SLC25A22: variants seen among roughly 807,000 people sequenced by gnomAD.
The protein encoded by SLC25A22 is mitochondrial glutamate carrier 1.
Under a neutral mutation model 33.7 loss-of-function variants are expected in SLC25A22, and 23 were observed. The ratio of observed to expected loss-of-function variants is 0.68; its 90% CI spans 0.49 to 0.97. SLC25A22 has a LOEUF of 0.97. SLC25A22 is among the 50% of genes least tolerant of loss of function. The pLI, the probability that SLC25A22 is intolerant of heterozygous loss-of-function variation, is 0.00. For synonymous variants in SLC25A22, 245 were observed against 203.8 expected (o/e 1.20, Z -1.72); for missense variants, 390 against 451.1 (o/e 0.86, Z 1.23).
rs1170277254 is a variant in SLC25A22 at position 791,996 on chromosome 11, G to C, written c.891C>G (p.Pro297=). 2 of 1,609,418 alleles carry C rather than the reference G, an allele frequency of 1.2e-6. No individual in the cohort carries two copies. The highest frequency in any genetic ancestry group is 4.5e-5 in the East Asian group (2 of 44,734). The part of the protein sequence containing the change: ...GAYCRALVIA[P]LFGIAQVVYF... The stretch of plus-strand genomic sequence containing the variant: ...AGACCACCTGTGCGATGCCGAAAAG[G>C]GGCGCGATGACCAGCGCGCGGCAGT... The change falls in exon 10 of 10, where the codon CCC becomes CCG. Residue 297 remains proline, a synonymous_variant. Coordinates refer to ENST00000628067, the MANE Select transcript of SLC25A22 (RefSeq NM_001191061.2).
chr11:795,163 T>G lies in SLC25A22; in HGVS notation c.-157A>C, dbSNP rs1016109705. ...ATTTCCAGGCGTCAGCAACCGCCAC[T>G]TCTGTCCTAGAAGGATGAGGGAATG... On this transcript the variant is annotated 5_prime_UTR_variant, in exon 2 of 10. Transcript: ENST00000628067. The G allele has an allele frequency of 2.3e-6, 2 of 877,550 alleles. No homozygotes were observed. The highest frequency in any genetic ancestry group is 3.3e-5 in the African/African-American group (2 of 60,600). 54.4% of individuals were successfully genotyped at this position (877,550 alleles called of 1,614,324 possible).
At chr11:797,772 G>A in intron 1 of SLC25A22, 1 of 398,692 alleles carries the variant, frequency 2.5e-6, no homozygotes, top group Non-Finnish European at 4.4e-6. Context: ...AGAGGACAAA[G>A]GAGAAGCGGG....
chr11:794,539 CAGGGCCAGCT>C, intron 3 of SLC25A22, 26 bp from the exon 4 acceptor site: 1 of 1,610,604 alleles, frequency 6.2e-7, no homozygotes, highest in Non-Finnish European at 8.5e-7. Context: ...CAGGGTGAGC[CAGGGCCAGCT>C]GGGGCCAGCC....
chr11:791,597 C>A lies in SLC25A22; in HGVS notation c.*318G>T, dbSNP rs780210144. ...TGGTCCAGCCTGCCCGGCCCAGGCC[C>A]GGGGGCCCCCAGCCCAGAGACCAGC... On this transcript the variant is annotated 3_prime_UTR_variant, in exon 10 of 10. Transcript: ENST00000628067. The A allele has an allele frequency of 2.3e-6, 1 of 438,724 alleles. No individual in the cohort carries two copies. Among genetic ancestry groups the A allele is most frequent in the Non-Finnish European group, 4.2e-6 (1 of 239,950 alleles). 27.2% of individuals were successfully genotyped at this position (438,724 alleles called of 1,614,324 possible).
intron 1 of SLC25A22, among the ~76,000 whole-genome samples, chr11:797,284 C>T (rs1375146047): frequency 1.3e-5 from 2 of 152,184 alleles, no homozygotes; most frequent in South Asian, 2.1e-4. Flanking sequence ...CAGTGAGGGG[C>T]TCTGCCTGGG....
Position 792,320 on chromosome 11 carries a change from G to C in SLC25A22, c.726C>G (p.Ala242=). The stretch of plus-strand genomic sequence containing the variant: ...TGCACTGACCATCACAGGGGTTGAC[G>C]GCCACAGCGGCGGCACTCCCAGCCA... ...GCVAGSAAAV[A]VNPCDVVKTR... is the part of the protein sequence containing the mutation. The change falls in exon 8 of 10, where the codon GCC becomes GCG. Residue 242 remains alanine, a synonymous_variant. Coordinates refer to ENST00000628067, the MANE Select transcript of SLC25A22 (RefSeq NM_001191061.2). 2.5e-6 allele frequency: 4 copies of C among 1,613,206 alleles called. No homozygotes were observed. The highest frequency in any genetic ancestry group is 3.4e-6 in the Non-Finnish European group (4 of 1,179,948).
intron 6 of SLC25A22, 55 bp from the exon 7 acceptor site, chr11:792,782 G>C: frequency 1.3e-6 from 2 of 1,548,668 alleles, no homozygotes; most frequent in Non-Finnish European, 1.7e-6. Flanking sequence ...CAGGGGACAC[G>C]CTCTGGCCCT....
intron 6 of SLC25A22, 32 bp downstream of exon 6, chr11:792,838 C>T (rs12806951): frequency 6.4e-7 from 1 of 1,571,814 alleles, no homozygotes; most frequent in Non-Finnish European, 8.7e-7. Context: ...TCCCGCACCT[C>T]TGCCCTCTCC....
Position 791,845 on chromosome 11 carries a change from T to G in SLC25A22, c.*70A>C. 6.6e-7 allele frequency: 1 copy of G among 1,517,734 alleles called. No individual in the cohort carries two copies. Among genetic ancestry groups the G allele is most frequent in the Non-Finnish European group, 8.8e-7 (1 of 1,137,078 alleles). 94.0% of individuals were successfully genotyped at this position (1,517,734 alleles called of 1,614,324 possible). A position where few individuals can be genotyped will look rare whatever the true frequency, so the allele number is the denominator to read the frequency against. ...GGAGGGGTCTTCCCTTGCTCCGTCC[T>G]GGGCTAGCTGCCTGGCTCCAGCCCC... On this transcript the variant is annotated 3_prime_UTR_variant, in exon 10 of 10. Coordinates refer to ENST00000628067, the MANE Select transcript of SLC25A22 (RefSeq NM_001191061.2).
At position 792,046 on chromosome 11, in the gene SLC25A22, G is replaced by A. The variant is rs754387526; in HGVS notation, c.841C>T (p.Pro281Ser). Residue 281 changes from proline to serine, a missense_variant, in exon 10 of 10, where the codon CCC (proline) becomes TCC (serine). Physicochemically the swap from Pro to Ser is moderately conservative, Grantham distance 74 (BLOSUM62 -1). Coordinates refer to ENST00000628067, the MANE Select transcript of SLC25A22 (RefSeq NM_001191061.2). ...CARKILRHEG[P>S]SAFLKGAYCR... is the part of the protein sequence containing the mutation. ...TAGGCGCCCTTCAGGAAGGCCGAGG[G>A]GCCCTCGTGCCGCAGGATCTTCCTG... 9 of 1,600,308 alleles carry A rather than the reference G, an allele frequency of 5.6e-6. No individual in the cohort carries two copies. Among genetic ancestry groups the A allele is most frequent in the African/African-American group, 2.7e-5 (2 of 74,560 alleles).
rs1229548313 is a variant in SLC25A22, at chr11:797,992, A to C, written c.-164+225T>G. On this transcript the variant is annotated intron_variant, in intron 1 of 9. Transcript: ENST00000628067. ...CGGACACCCACCCTCGGGGACACGT[A>C]TGTGCGGGGAGCGCGCCCGGAACCG... The C allele has an allele frequency of 1.0e-5, 4 of 398,274 alleles. No homozygotes were observed. The East Asian group carries it at 1.1e-4, about 11-fold the overall frequency. 24.7% of individuals were successfully genotyped at this position (398,274 alleles called of 1,614,324 possible).
intron 3 of SLC25A22, 45 bp from the exon 4 acceptor site, chr11:794,558 C>G (rs762676985): frequency 6.2e-7 from 1 of 1,603,298 alleles, no homozygotes; most frequent in Non-Finnish European, 8.5e-7. Flanking sequence ...CTGGGGCCAG[C>G]CGGAGGCCAG....
rs544386351 is a variant in SLC25A22, at chr11:792,725, C to T, written c.415G>A (p.Ala139Thr). Reference protein sequence around the residue: ...IQLQDAGRIAAQRKILAAQGQ... With the variant: ...IQLQDAGRIATQRKILAAQGQ... Reference sequence around the variant, plus strand: ...TGGGCAGCCAGGATCTTCCTCTGGGCGGCTGGGGACAAAGAGGCTGCTGTC... The same window carrying T: ...TGGGCAGCCAGGATCTTCCTCTGGGTGGCTGGGGACAAAGAGGCTGCTGTC... Residue 139 changes from alanine to threonine, a missense_variant and splice_region_variant, in exon 7 of 10, where the codon GCC (alanine) becomes ACC (threonine). By Grantham distance (58) the Ala-to-Thr change is moderately conservative. Transcript: ENST00000628067. 9.7e-6 allele frequency: 15 copies of T among 1,546,072 alleles called. No homozygotes were observed. The East Asian group carries it at 2.2e-4, about 22-fold the overall frequency.
In SLC25A22 at chr11:794,797, C is replaced by T. The variant is rs1409404770; in HGVS notation, c.125G>A (p.Gly42Asp). The T allele has an allele frequency of 6.3e-7, 1 of 1,597,988 alleles. No homozygotes were observed. The highest frequency in any genetic ancestry group is 1.1e-5 in the South Asian group (1 of 88,336). ...AKTRLQNQQN[G>D]QRVYTSMSDC... Reference sequence around the variant, plus strand: ...TCACATGCTCGTGTACACGCGCTGGCCGTTCTGCTGGTTCTGCAGCCTGGT... The same window carrying T: ...TCACATGCTCGTGTACACGCGCTGGTCGTTCTGCTGGTTCTGCAGCCTGGT... Residue 42 changes from glycine to aspartate, a missense_variant, in exon 3 of 10, where the codon GGC becomes GAC. Gly to Asp is a moderately conservative substitution (Grantham distance 94, BLOSUM62 -1). Coordinates refer to ENST00000628067, the MANE Select transcript of SLC25A22 (RefSeq NM_001191061.2).
In SLC25A22 at chr11:794,869, G is replaced by A. The variant is rs886048698; in HGVS notation, c.53C>T (p.Ala18Val). Residue 18 changes from alanine to valine, a missense_variant, in exon 3 of 10, where the codon GCC becomes GTC. Coordinates refer to ENST00000628067, the MANE Select transcript of SLC25A22 (RefSeq NM_001191061.2). ...LPAKLINGGI[A>V]GLIGVTCVFP... ...CACGCAGGTGACACCGATCAGCCCG[G>A]CGATGCCGCCATTGATGAGCTTGGC... is the stretch of plus-strand genomic sequence containing the variant. The A allele has an allele frequency of 6.4e-7, 1 of 1,569,418 alleles. No individual in the cohort carries two copies. Among genetic ancestry groups the A allele is most frequent in the Non-Finnish European group, 8.6e-7 (1 of 1,157,238 alleles).
rs1864517671 is a variant in SLC25A22 at position 791,568 on chromosome 11, G to C, written c.*347C>G. 1 of 373,882 alleles carries C rather than the reference G, an allele frequency of 2.7e-6. No homozygotes were observed. Among genetic ancestry groups the C allele is most frequent in the African/African-American group, 2.1e-5 (1 of 48,128 alleles). 23.2% of individuals were successfully genotyped at this position (373,882 alleles called of 1,614,324 possible). ...TGGAGACTGGAGCTGGTGGACTGGG[G>C]GTATGGTCCAGCCTGCCCGGCCCAG... On this transcript the variant is annotated 3_prime_UTR_variant, in exon 10 of 10. Coordinates refer to ENST00000628067, the MANE Select transcript of SLC25A22 (RefSeq NM_001191061.2).
At position 792,979 on chromosome 11, in the gene SLC25A22, C is replaced by T; in HGVS notation, c.303G>A (p.Leu101=). 2 of 1,613,438 alleles carry T rather than the reference C, an allele frequency of 1.2e-6. No homozygotes were observed. The highest frequency in any genetic ancestry group is 1.1e-5 in the South Asian group (1 of 91,070). Residue 101 remains leucine (L), a synonymous_variant, in exon 6 of 10, where the codon CTG becomes CTA. Coordinates refer to ENST00000628067, the MANE Select transcript of SLC25A22 (RefSeq NM_001191061.2). ...RHQLSKDGQK[L]TLLKEMLAGC... ...CCGCCAGCATCTCTTTAAGCAGGGT[C>T]AGCTTCTGCCTGTGGTAGGGGCGGG...
chr11:793,542 G>C lies in SLC25A22; in HGVS notation c.280C>G (p.Leu94Val). 1 of 1,613,618 alleles carries C rather than the reference G, an allele frequency of 6.2e-7. No homozygotes were observed. The highest frequency in any genetic ancestry group is 1.1e-5 in the South Asian group (1 of 91,072). Reference protein sequence around the residue: ...LAANDFFRHQLSKDGQKLTLL... With the variant: ...LAANDFFRHQVSKDGQKLTLL... ...CAGAACCCTCACCCGTCCTTAGAGA[G>C]CTGATGTCGGAAGAAGTCGTTGGCT... is the stretch of plus-strand genomic sequence containing the variant. The change falls in exon 5 of 10, where the codon CTC (leucine) becomes GTC (valine). Residue 94 changes from leucine (L) to valine (V), a missense_variant. By Grantham distance (32) the Leu-to-Val change is conservative. Transcript: ENST00000628067.
Position 792,697 on chromosome 11 carries a change from C to G in SLC25A22, c.443G>C (p.Gly148Ala). 2 of 1,551,492 alleles carry G rather than the reference C, an allele frequency of 1.3e-6. No homozygotes were observed. The highest frequency in any genetic ancestry group is 1.7e-6 in the Non-Finnish European group (2 of 1,152,056). ...GGCACCCCCCTGGGCCGAGAGCTGG[C>G]CCTGGGCAGCCAGGATCTTCCTCTG... ...AAQRKILAAQ[G>A]QLSAQGGAQP... Residue 148 changes from glycine (G) to alanine (A), a missense_variant, in exon 7 of 10, where the codon GGC becomes GCC. Physicochemically the swap from Gly to Ala is moderately conservative, Grantham distance 60. Coordinates refer to ENST00000628067, the MANE Select transcript of SLC25A22 (RefSeq NM_001191061.2).
Sources: allele counts gnomAD v4.1 joint callset (sites outside exome capture counted in the v4.1 genomes callset), GRCh38; gene constraint gnomAD v4.1.1; transcripts MANE v1.5; gene names NCBI Gene and HGNC (gene_info 2026-07-23, HGNC 2026-07-21).